Variants in SPEG observed in about 807,000 individuals in gnomAD.
SPEG encodes the protein striated muscle enriched protein kinase.
Under a neutral mutation model 300.4 loss-of-function variants are expected in SPEG, and 114 were observed. That is an observed-to-expected ratio of 0.38 (90% CI 0.33 to 0.44). SPEG has a LOEUF of 0.44. Among genes scored for constraint, SPEG ranks in the 20% least tolerant of loss-of-function variants. The probability of loss-of-function intolerance (pLI) is 1.00; values close to 1 mark genes in which losing one functional copy is unlikely to be tolerated. For synonymous variants in SPEG, 1,964 were observed against 2,018.9 expected (o/e 0.97, Z 0.73); for missense variants, 4,201 against 4,586.2 (o/e 0.92, Z 2.43).
At chr2:219,442,895 C>A (rs1689031607) in intron 1 of SPEG, among the ~76,000 whole-genome samples, 1 of 152,166 alleles carries the variant, frequency 6.6e-6, no homozygotes, top group African/African-American at 2.4e-5. Context: ...CCCTGCTCCT[C>A]CCAAGAGCCC....
Position 219,483,956 on chromosome 2 carries a change from CCTTCCCTGT to C in SPEG, c.6496_6504del (p.Ser2166_Ser2168del). The C allele has an allele frequency of 6.2e-7, 1 of 1,607,820 alleles. No individual in the cohort carries two copies. Among genetic ancestry groups the C allele is most frequent in the South Asian group, 1.1e-5 (1 of 91,084 alleles). ...TGGGGCCCGTAGGCTACAGGAGTCT[CCTTCCCTGT>C]CTGCCCTCAGCGAGGCCCAGCCATC... On this transcript the variant is annotated inframe_deletion, in exon 30 of 41. Transcript: ENST00000312358.
intron 9 of SPEG, chr2:219,465,184 G>A (rs1691153796): frequency 6.5e-6 from 1 of 152,990 alleles, no homozygotes; most frequent in South Asian, 2.1e-4. Context: ...TGGGGCATAT[G>A]TGCAGGGGCC....
Position 219,484,370 on chromosome 2 carries a change from C to A in SPEG, c.6907C>A (p.Leu2303Ile), listed in dbSNP as rs1370050620. 6.2e-7 allele frequency: 1 copy of A among 1,607,742 alleles called. No homozygotes were observed. Among genetic ancestry groups the A allele is most frequent in the East Asian group, 2.2e-5 (1 of 44,772 alleles). Residue 2303 changes from leucine (L) to isoleucine (I), a missense_variant, in exon 30 of 41, where the codon CTA becomes ATA. Leu to Ile is a conservative substitution (Grantham distance 5). Transcript: ENST00000312358. ...GCCCTCAGCCGGGGGTCCCCCGGTG[C>A]TAGCCGAGAAAGCCCGAGTTCCCAC... Reference protein sequence around the residue: ...RVPSAGGPPVLAEKARVPTVP... With the variant: ...RVPSAGGPPVIAEKARVPTVP...
At chr2:219,487,188 C>T (rs1001360911) in intron 31 of SPEG, among the ~76,000 whole-genome samples, 2 of 151,832 alleles carry the variant, frequency 1.3e-5, no homozygotes, top group Non-Finnish European at 2.9e-5. Flanking sequence ...GCACTCAAAT[C>T]CTCAGGGCAC....
chr2:219,460,523 G>A lies in SPEG; in HGVS notation c.2441-1359G>A, dbSNP rs74683772. 1.3e-3 allele frequency: 1,245 copies of A among 985,416 alleles called. 11 individuals carry two copies. In the African/African-American group the frequency reaches 0.018, roughly 15 times the overall value. 61.0% of individuals were successfully genotyped at this position (985,416 alleles called of 1,614,324 possible). A position where few individuals can be genotyped will look rare whatever the true frequency, so the allele number is the denominator to read the frequency against. On this transcript the variant is annotated intron_variant, in intron 6 of 40. Transcript: ENST00000312358. ...CCCCTCCCCTGTCTTGCTCGGGGAC[G>A]GAGGCCCCACACCTTGAGTCAAGGC...
At chr2:219,450,050 C>G (rs1689628116) in intron 4 of SPEG, among the ~76,000 whole-genome samples, 1 of 152,212 alleles carries the variant, frequency 6.6e-6, no homozygotes, top group Non-Finnish European at 1.5e-5. Flanking sequence ...ATGCCTCTAC[C>G]TGCTGCTCCT....
chr2:219,464,805 A>T lies in SPEG; in HGVS notation c.2881+197A>T, dbSNP rs1691107119. 1 of 588,358 alleles carries T rather than the reference A, an allele frequency of 1.7e-6. No individual in the cohort carries two copies. The highest frequency in any genetic ancestry group is 1.9e-5 in the African/African-American group (1 of 53,580). 36.4% of individuals were successfully genotyped at this position (588,358 alleles called of 1,614,324 possible). A position where few individuals can be genotyped will look rare whatever the true frequency, so the allele number is the denominator to read the frequency against. ...AGTGACCTGCCCAAAGCTGCACAGC[A>T]CATTGTTCCGTGCTCAGCTTACTAC... On this transcript the variant is annotated intron_variant, in intron 9 of 40. Coordinates refer to ENST00000312358, the MANE Select transcript of SPEG (RefSeq NM_005876.5). The surrounding 1 kb of genome is among the most constrained non-coding windows in gnomAD (Gnocchi z 4.5).
In SPEG at chr2:219,444,974, G is replaced by A; in HGVS notation, c.628G>A (p.Gly210Ser). The change falls in exon 3 of 41, where the codon GGC becomes AGC. Residue 210 changes from glycine to serine, a missense_variant. Gly to Ser is a moderately conservative substitution (Grantham distance 56). Around this residue, in one of 4 missense-constraint regions of SPEG, gnomAD observed 1,258 missense variants for 1,293.9 expected, o/e 0.97. Transcript: ENST00000312358. The surrounding 1 kb of genome is among the most constrained non-coding windows in gnomAD (Gnocchi z 7.8). ...TGGGGGTGGCACCCGCCGCCTCCCG[G>A]GCAGCCCAAGGCAAGCACAGGCAAC... is the stretch of plus-strand genomic sequence containing the variant. ...GSGGGTRRLP[G>S]SPRQAQATGA... The A allele has an allele frequency of 1.2e-6, 2 of 1,607,770 alleles. No homozygotes were observed. The highest frequency in any genetic ancestry group is 8.5e-7 in the Non-Finnish European group (1 of 1,177,066).
rs1175285124 is a variant in SPEG at position 219,445,871 on chromosome 2, G to A, written c.815+710G>A. Among the ~76,000 whole-genome samples, 1 of 152,116 alleles carries A rather than the reference G, an allele frequency of 6.6e-6. No individual in the cohort carries two copies. Among genetic ancestry groups the A allele is most frequent in the African/African-American group, 2.4e-5 (1 of 41,410 alleles). Reference sequence around the variant, plus strand: ...GGAAACCCCTAAGTCCCTGAGGGTGGGATTCAAGGTTGTCCCAGGAGGGGG... The same window carrying A: ...GGAAACCCCTAAGTCCCTGAGGGTGAGATTCAAGGTTGTCCCAGGAGGGGG... On this transcript the variant is annotated intron_variant, in intron 3 of 40. Coordinates refer to ENST00000312358, the MANE Select transcript of SPEG (RefSeq NM_005876.5). This position sits in a 1 kb window ranked among gnomAD's most constrained non-coding sequence, Gnocchi z 6.1.
rs1692593163 is a variant in SPEG, at chr2:219,479,058, C to G, written c.5028-86C>G. ...AGCATTCTGTAAGGGGAAGGAGAAC[C>G]CCGTGCTGAGCTGGGACCTGCCCTG... On this transcript the variant is annotated intron_variant, in intron 22 of 40. Coordinates refer to ENST00000312358, the MANE Select transcript of SPEG (RefSeq NM_005876.5). This position sits in a 1 kb window ranked among gnomAD's most constrained non-coding sequence, Gnocchi z 5.5. 4.2e-6 allele frequency: 5 copies of G among 1,198,334 alleles called. No individual in the cohort carries two copies. The highest frequency in any genetic ancestry group is 2.4e-5 in the East Asian group (1 of 42,386). The allele number at this position is 1,198,334 out of a possible 1,614,324, so 74.2% of individuals were successfully genotyped here.
intron 13 of SPEG, chr2:219,471,587 G>A: frequency 2.1e-6 from 1 of 470,334 alleles, no homozygotes; most frequent in Non-Finnish European, 3.9e-6. Context: ...CCCAGTGTAG[G>A]AGGAAGAGAA....
chr2:219,473,165 G>A lies in SPEG; in HGVS notation c.4147+69G>A, dbSNP rs1401388085. 4.8e-6 allele frequency: 7 copies of A among 1,449,992 alleles called. No homozygotes were observed. Among genetic ancestry groups the A allele is most frequent in the African/African-American group, 1.4e-5 (1 of 71,616 alleles). 89.8% of individuals were successfully genotyped at this position (1,449,992 alleles called of 1,614,324 possible). On this transcript the variant is annotated intron_variant, in intron 16 of 40. Coordinates refer to ENST00000312358, the MANE Select transcript of SPEG (RefSeq NM_005876.5). The surrounding 1 kb of genome is among the most constrained non-coding windows in gnomAD (Gnocchi z 4.6). ...GATGGGGAATGGGGGCCCTGTGGTG[G>A]AGGCTCAAGGGATGGCCTGGACATG...
intron 1 of SPEG, chr2:219,441,653 T>C (rs1274557752): frequency 8.7e-6 from 4 of 459,486 alleles, no homozygotes; most frequent in Non-Finnish European, 1.8e-5. Context: ...TAGAGGCCAT[T>C]GCACCCCTTT....
chr2:219,480,113 G>A lies in SPEG; in HGVS notation c.5315G>A (p.Ser1772Asn), dbSNP rs1334266382. Residue 1772 changes from serine to asparagine, a missense_variant, in exon 25 of 41, where the codon AGC (serine) becomes AAC (asparagine). Transcript: ENST00000312358. The surrounding 1 kb of genome is among the most constrained non-coding windows in gnomAD (Gnocchi z 5.3). ...EFVAPEIVNQ[S>N]PVSGVTDIWP... ...GTAGCACCCGAGATTGTCAATCAGAGCCCCGTGTCTGGAGTCACTGACATC... is the reference window on the plus strand; with the variant it reads ...GTAGCACCCGAGATTGTCAATCAGAACCCCGTGTCTGGAGTCACTGACATC... 20 of 1,613,926 alleles carry A rather than the reference G, an allele frequency of 1.2e-5. No individual in the cohort carries two copies. The highest frequency in any genetic ancestry group is 1.5e-5 in the Non-Finnish European group (18 of 1,180,014).
Position 219,435,136 on chromosome 2 carries a change from G to T in SPEG, c.159G>T (p.Ala53=). ...PVFLRPLKNA[A]VCAGSDVRLR... is the part of the protein sequence containing the mutation. ...TCCTGCGGCCCCTGAAGAACGCGGC[G>T]GTGTGCGCGGGCAGCGACGTGCGGC... Residue 53 remains alanine, a synonymous_variant, in exon 1 of 41, where the codon GCG becomes GCT. Transcript: ENST00000312358. 3.4e-6 allele frequency: 5 copies of T among 1,457,646 alleles called. No homozygotes were observed. The highest frequency in any genetic ancestry group is 4.5e-6 in the Non-Finnish European group (5 of 1,115,722). The allele number at this position is 1,457,646 out of a possible 1,614,324, so 90.3% of individuals were successfully genotyped here.
chr2:219,482,546 C>G (rs149662985), intron 28 of SPEG: 12 of 524,186 alleles, frequency 2.3e-5, no homozygotes, highest in African/African-American at 1.7e-4. Flanking sequence ...CTAGGGGAGC[C>G]ACCAGTTTCC....
intron 29 of SPEG, 23 bp downstream of exon 29, chr2:219,482,875 T>C: frequency 6.2e-7 from 1 of 1,610,162 alleles, no homozygotes; most frequent in East Asian, 2.2e-5. Context: ...GGCCAGCCTC[T>C]GTGCTTTCCA....
At chr2:219,485,168 A>G in intron 30 of SPEG, 96 bp downstream of exon 30, 1 of 1,495,010 alleles carries the variant, frequency 6.7e-7, no homozygotes, top group South Asian at 1.2e-5. Context: ...GACACCCACC[A>G]GGGGCAGGCT....
intron 18 of SPEG, among the ~76,000 whole-genome samples, chr2:219,476,469 C>G (rs1186998594): frequency 6.6e-6 from 1 of 152,186 alleles, no homozygotes; most frequent in African/African-American, 2.4e-5. Context: ...ACTCCTCTCC[C>G]GCGGATTCAT....
Sources: gnomAD v4.1 joint callset for allele counts (sites outside exome capture counted in the v4.1 genomes callset) on GRCh38, gnomAD v4.1.1 for gene constraint, gnomAD v4.1.1 regional missense constraint, Gnocchi (gnomAD v3.1) non-coding constraint, MANE v1.5 for transcripts, NCBI Gene and HGNC (gene_info 2026-07-23, HGNC 2026-07-21) for gene names.